Variants in PDE10A observed in about 807,000 individuals in gnomAD.
PDE10A encodes the protein cAMP and cAMP-inhibited cGMP 3',5'-cyclic phosphodiesterase 10A.
PDE10A carries 39 observed loss-of-function variants against 97.7 expected under a neutral mutation model. The ratio of observed to expected loss-of-function variants is 0.40; its 90% confidence interval spans 0.31 to 0.52. The LOEUF is 0.52. PDE10A is among the 20% of genes least tolerant of loss of function. The probability of loss-of-function intolerance (pLI) is 0.56; values close to 1 mark genes in which losing one functional copy is unlikely to be tolerated. For synonymous variants in PDE10A, 371 were observed against 376.8 expected (o/e 0.98, Z 0.18); for missense variants, 731 against 1,047.8 (o/e 0.70, Z 4.17).
At chr6:165,560,711 T>C (rs1003901007) in intron 1 of PDE10A, among the ~76,000 whole-genome samples, 4 of 152,222 alleles carry the variant, frequency 2.6e-5, no homozygotes, top group Non-Finnish European at 4.4e-5. Context: ...CTGCTGACAG[T>C]TGTCAAGTTG....
chr6:165,812,603 TA>T (rs1428825994), intron 1 of PDE10A, among the ~76,000 whole-genome samples: 3 of 152,200 alleles, frequency 2.0e-5, no homozygotes, highest in South Asian at 2.1e-4. Context: ...GTTGCTTTGG[TA>T]AAGCTTAAGG....
intron 1 of PDE10A, among the ~76,000 whole-genome samples, chr6:165,646,804 T>A (rs1283655136): frequency 6.6e-6 from 1 of 152,244 alleles, no homozygotes; most frequent in South Asian, 2.1e-4. Flanking sequence ...TTATGAAATA[T>A]GACCTACTGA....
chr6:165,907,923 C>T (rs1236615185), intron 1 of PDE10A, among the ~76,000 whole-genome samples: 42 of 152,180 alleles, frequency 2.8e-4, no homozygotes, highest in African/African-American at 7.2e-5. Flanking sequence ...CTACCTAAAC[C>T]AACAAAAGAA....
chr6:165,680,777 A>G (rs6929247), intron 1 of PDE10A, among the ~76,000 whole-genome samples: 132,948 of 152,054 alleles, frequency 0.87, 58,287 homozygotes, highest in South Asian at 0.92. Context: ...GGTGGCGGGC[A>G]CCTGTAATCC....
At chr6:165,595,776 T>C (rs1786550008) in intron 1 of PDE10A, among the ~76,000 whole-genome samples, 1 of 152,214 alleles carries the variant, frequency 6.6e-6, no homozygotes, top group Non-Finnish European at 1.5e-5. Flanking sequence ...TGAGCCCTCC[T>C]ATGTGTCTGC....
At chr6:165,407,479 C>T (rs965436038) in intron 13 of PDE10A, among the ~76,000 whole-genome samples, 7 of 152,106 alleles carry the variant, frequency 4.6e-5, no homozygotes, top group Admixed American at 4.6e-4. Flanking sequence ...GTGTCTAGAA[C>T]AATTCCTGTC....
chr6:165,415,352 T>G (rs753698797), intron 12 of PDE10A, among the ~76,000 whole-genome samples: 24 of 152,194 alleles, frequency 1.6e-4, no homozygotes, highest in Non-Finnish European at 2.8e-4. Flanking sequence ...TCCTATTGCT[T>G]ATGTTATTTG....
At chr6:165,607,331 C>A (rs776597861) in intron 1 of PDE10A, among the ~76,000 whole-genome samples, 1 of 152,196 alleles carries the variant, frequency 6.6e-6, no homozygotes, top group African/African-American at 2.4e-5. Flanking sequence ...AATATTATAA[C>A]GAAGCTTAAA....
At chr6:165,755,725 A>G (rs1378903138) in intron 1 of PDE10A, among the ~76,000 whole-genome samples, 1 of 151,744 alleles carries the variant, frequency 6.6e-6, no homozygotes, top group Non-Finnish European at 1.5e-5. Flanking sequence ...TTGGAAAAGC[A>G]GAGGAGGCAG....
At chr6:165,518,694 T>C (rs915842131) in intron 2 of PDE10A, among the ~76,000 whole-genome samples, 1 of 152,124 alleles carries the variant, frequency 6.6e-6, no homozygotes, top group Admixed American at 6.5e-5. Flanking sequence ...GAAAAAACAA[T>C]TGTCTGCTGA....
At chr6:165,912,367 G>A (rs1782487674) in intron 1 of PDE10A, among the ~76,000 whole-genome samples, 1 of 152,188 alleles carries the variant, frequency 6.6e-6, no homozygotes, top group Admixed American at 6.5e-5. Flanking sequence ...CCGCAGTGTT[G>A]TGCTTGTTTC....
At chr6:165,587,492 G>A (rs1416694058) in intron 1 of PDE10A, among the ~76,000 whole-genome samples, 1 of 152,116 alleles carries the variant, frequency 6.6e-6, no homozygotes. Flanking sequence ...TCCCTAAACA[G>A]ACAAAGGAAT....
At position 165,571,217 on chromosome 6, in the gene PDE10A, C is replaced by T. The variant is rs146860126; in HGVS notation, c.866-27649G>A. Among the ~76,000 whole-genome samples, 26 of 152,266 alleles carry T rather than the reference C, an allele frequency of 1.7e-4. No individual in the cohort carries two copies. In the East Asian group the frequency reaches 4.6e-3, roughly 27 times the overall value. ...CAGCTGTTTGCTAGCAGAACAGCAA[C>T]CTGAGTCTTTGGGAACCACATCTGT... On this transcript the variant is annotated intron_variant, in intron 1 of 21. Coordinates refer to ENST00000539869, the MANE Select transcript of PDE10A (RefSeq NM_001385079.1).
chr6:165,604,962 T>C (rs983743658), intron 1 of PDE10A, among the ~76,000 whole-genome samples: 1 of 152,230 alleles, frequency 6.6e-6, no homozygotes, highest in Admixed American at 6.5e-5. Context: ...ATAAACTTTC[T>C]CTACTCTCAA....
At chr6:165,921,292 G>A (rs747721137) in intron 1 of PDE10A, among the ~76,000 whole-genome samples, 9 of 152,192 alleles carry the variant, frequency 5.9e-5, no homozygotes, top group Non-Finnish European at 1.3e-4. Flanking sequence ...AGTTTGAAGG[G>A]CACAGAGAAA....
chr6:165,938,100 T>C (rs12194248), intron 1 of PDE10A, among the ~76,000 whole-genome samples: 51,408 of 152,092 alleles, frequency 0.34, 9,342 homozygotes, highest in African/African-American at 0.42. Flanking sequence ...TGCATTTTAC[T>C]CTCCCCAGCA....
At chr6:165,601,148 G>C (rs1164688369) in intron 1 of PDE10A, among the ~76,000 whole-genome samples, 1 of 152,134 alleles carries the variant, frequency 6.6e-6, no homozygotes, top group Non-Finnish European at 1.5e-5. Flanking sequence ...GGGTTACCAG[G>C]GGTTTCCACT....
chr6:165,792,942 G>GC (rs1778698523), intron 1 of PDE10A, among the ~76,000 whole-genome samples: 1 of 152,194 alleles, frequency 6.6e-6, no homozygotes. Flanking sequence ...TGGGGTCAAG[G>GC]CCGGCAGGCA....
At chr6:165,734,981 G>T (rs2128451888) in intron 1 of PDE10A, among the ~76,000 whole-genome samples, 1 of 151,894 alleles carries the variant, frequency 6.6e-6, no homozygotes, top group Admixed American at 6.5e-5. Context: ...TAGATAGATA[G>T]ATAGATAGAT....
Sources: gnomAD v4.1 joint callset for allele counts (sites outside exome capture counted in the v4.1 genomes callset) on GRCh38, gnomAD v4.1.1 for gene constraint, MANE v1.5 for transcripts, NCBI Gene and HGNC (gene_info 2026-07-23, HGNC 2026-07-21) for gene names.